Variants in KASH5 observed in about 807,000 individuals in gnomAD.
KASH5 encodes the protein protein KASH5.
KASH5 carries 72 observed loss-of-function variants against 84.2 expected under a neutral mutation model. The ratio of observed to expected loss-of-function variants is 0.85; its 90% CI spans 0.71 to 1.04. KASH5 has a LOEUF of 1.04. KASH5 is among the 50% of genes least tolerant of loss of function. The pLI, the probability that KASH5 is intolerant of heterozygous loss-of-function variation, is 0.00. For missense variants in KASH5, 650 were observed against 701.0 expected (o/e 0.93, Z 0.82); for synonymous variants, 260 against 279.1 (o/e 0.93, Z 0.68).
chr19:49,402,148 A>G (rs1974381272), intron 9 of KASH5, among the ~76,000 whole-genome samples: 1 of 152,060 alleles, frequency 6.6e-6, no homozygotes, highest in Non-Finnish European at 1.5e-5. Context: ...AGGCTGAGGC[A>G]GGAGAATCGC....
At position 49,397,974 on chromosome 19, in the gene KASH5, G is replaced by A; in HGVS notation, c.468-8G>A. 1 of 1,613,336 alleles carries A rather than the reference G, an allele frequency of 6.2e-7. No homozygotes were observed. The highest frequency in any genetic ancestry group is 8.5e-7 in the Non-Finnish European group (1 of 1,179,566). On this transcript the variant is annotated splice_polypyrimidine_tract_variant and splice_region_variant and intron_variant, in intron 6 of 19. Transcript: ENST00000447857. ...GGACAGTGACCTGAACCCCTTCCTTGCCCCTAGACAAGCCACAGCTGACCT... is the reference window on the plus strand; with the variant it reads ...GGACAGTGACCTGAACCCCTTCCTTACCCCTAGACAAGCCACAGCTGACCT...
chr19:49,407,139 G>A (rs1288897021), intron 10 of KASH5, 101 bp from the exon 11 acceptor site: 2 of 1,427,132 alleles, frequency 1.4e-6, no homozygotes, highest in Non-Finnish European at 1.9e-6. Flanking sequence ...TCAGGAGGCT[G>A]AATACGTGGG....
At position 49,396,871 on chromosome 19, in the gene KASH5, C is replaced by A. The variant is rs143687659; in HGVS notation, c.401-780C>A. On this transcript the variant is annotated intron_variant, in intron 5 of 19. Coordinates refer to ENST00000447857, the MANE Select transcript of KASH5 (RefSeq NM_144688.5). Reference sequence around the variant, plus strand: ...CCCAGTAGTTTGAGACCAGCCTGGGCAACATAGTGAGACACCATCTCTACT... The same window carrying A: ...CCCAGTAGTTTGAGACCAGCCTGGGAAACATAGTGAGACACCATCTCTACT... Among the ~76,000 whole-genome samples the A allele has an allele frequency of 1.4e-3, 220 of 152,208 alleles. 1 individual carries two copies. Among genetic ancestry groups the A allele is most frequent in the African/African-American group, 5.1e-3 (211 of 41,518 alleles).
In KASH5 at chr19:49,399,353, C is replaced by G. The variant is rs1974287494; in HGVS notation, c.748-104C>G. ...CAGGAGCCATCAGGGCTTCCCAGAC[C>G]CATTCCCCCAGGCCCTGGTTGTGTT... On this transcript the variant is annotated intron_variant, in intron 8 of 19. Coordinates refer to ENST00000447857, the MANE Select transcript of KASH5 (RefSeq NM_144688.5). This position sits in a 1 kb window ranked among gnomAD's most constrained non-coding sequence, Gnocchi z 4.4. 4.2e-6 allele frequency: 5 copies of G among 1,191,294 alleles called. No individual in the cohort carries two copies. The South Asian group carries it at 6.9e-5, about 16-fold the overall frequency. The allele number at this position is 1,191,294 out of a possible 1,614,324, so 73.8% of individuals were successfully genotyped here.
intron 13 of KASH5, 50 bp from the exon 14 acceptor site, chr19:49,409,146 T>G (rs1974628966): frequency 1.2e-6 from 2 of 1,600,994 alleles, no homozygotes; most frequent in Admixed American, 1.7e-5. Flanking sequence ...GCTGACTGAG[T>G]GGCCACCAGG....
chr19:49,395,200 G>A lies in KASH5; in HGVS notation c.243G>A (p.Leu81=). Reference sequence around the variant, plus strand: ...GCCTCCAAACATTGGCCAACAGCCTGGACCCCAATGGGGAGGGCCCTAAGG... The same window carrying A: ...GCCTCCAAACATTGGCCAACAGCCTAGACCCCAATGGGGAGGGCCCTAAGG... ...DARLQTLANS[L]DPNGEGPKAT... is the part of the protein sequence containing the mutation. The change falls in exon 4 of 20, where the codon CTG becomes CTA. Residue 81 remains leucine, a synonymous_variant. Coordinates refer to ENST00000447857, the MANE Select transcript of KASH5 (RefSeq NM_144688.5). This position sits in a 1 kb window ranked among gnomAD's most constrained non-coding sequence, Gnocchi z 4.4. 6.2e-7 allele frequency: 1 copy of A among 1,612,556 alleles called. No individual in the cohort carries two copies. Among genetic ancestry groups the A allele is most frequent in the Non-Finnish European group, 8.5e-7 (1 of 1,179,370 alleles).
rs547348633 is a variant in KASH5 at position 49,413,761 on chromosome 19, T to TGAG, written c.1328+738_1328+740dup. Among the ~76,000 whole-genome samples, 453 of 151,028 alleles carry TGAG rather than the reference T, an allele frequency of 3.0e-3. 4 individuals are homozygous for TGAG. The highest frequency in any genetic ancestry group is 0.01 in the African/African-American group (428 of 41,058). On this transcript the variant is annotated intron_variant, in intron 16 of 19. Transcript: ENST00000447857. ...GATCCGCAGGTTGGAAAGCTGGGAG[T>TGAG]GAGGAAGGTGGTGAATACAACGGCT... is the stretch of plus-strand genomic sequence containing the variant.
chr19:49,415,067 T>G, intron 17 of KASH5, 71 bp downstream of exon 17: 1 of 1,422,236 alleles, frequency 7.0e-7, no homozygotes, highest in Non-Finnish European at 9.7e-7. Context: ...TCGTTTCAAC[T>G]CTTCCCAAGC....
intron 2 of KASH5, chr19:49,393,759 C>G (rs1974082456): frequency 6.6e-6 from 1 of 151,624 alleles, no homozygotes; most frequent in Non-Finnish European, 1.5e-5. Flanking sequence ...TAACTCAGCC[C>G]TGGTGAGGAG....
At chr19:49,411,574 A>T (rs1974710307) in intron 15 of KASH5, among the ~76,000 whole-genome samples, 1 of 152,234 alleles carries the variant, frequency 6.6e-6, no homozygotes, top group Middle Eastern at 3.4e-3. Context: ...TGTAGGTTAG[A>T]TTGGGCTTCT....
chr19:49,393,929 T>G (rs1347687625), intron 2 of KASH5, among the ~76,000 whole-genome samples: 1 of 152,126 alleles, frequency 6.6e-6, no homozygotes. Context: ...TATCCCTTCA[T>G]GTCTCAGCCC....
rs772509892 is a variant in KASH5 at position 49,409,816 on chromosome 19, G to T, written c.1210G>T (p.Val404Phe). 1 of 1,614,012 alleles carries T rather than the reference G, an allele frequency of 6.2e-7. No individual in the cohort carries two copies. Among genetic ancestry groups the T allele is most frequent in the Non-Finnish European group, 8.5e-7 (1 of 1,179,876 alleles). The stretch of plus-strand genomic sequence containing the variant: ...GTGTGGGGTGTGGCAGTGGGAGGAA[G>T]TCATCCATGAGACCAGTGAGGAAAC... The part of the protein sequence containing the change: ...PLCGVWQWEE[V>F]IHETSEETEF... Residue 404 changes from valine (V) to phenylalanine (F), a missense_variant, in exon 15 of 20, where the codon GTC becomes TTC. Physicochemically the swap from Val to Phe is conservative, Grantham distance 50. Coordinates refer to ENST00000447857, the MANE Select transcript of KASH5 (RefSeq NM_144688.5).
At position 49,417,740 on chromosome 19, in the gene KASH5, T is replaced by C; in HGVS notation, c.*230T>C. On this transcript the variant is annotated 3_prime_UTR_variant, in exon 20 of 20. Coordinates refer to ENST00000447857, the MANE Select transcript of KASH5 (RefSeq NM_144688.5). This position sits in a 1 kb window ranked among gnomAD's most constrained non-coding sequence, Gnocchi z 5.2. The stretch of plus-strand genomic sequence containing the variant: ...GGATTAAGCACTAAGGATTATTCCC[T>C]CACAAAACAAGCCTGGCGAGGGCAG... 1.9e-6 allele frequency: 1 copy of C among 520,552 alleles called. No individual in the cohort carries two copies. The highest frequency in any genetic ancestry group is 3.0e-6 in the Non-Finnish European group (1 of 331,436). The allele number at this position is 520,552 out of a possible 1,614,324, so 32.2% of individuals were successfully genotyped here. A position where few individuals can be genotyped will look rare whatever the true frequency, so the allele number is the denominator to read the frequency against.
rs1340167234 is a variant in KASH5 at position 49,417,235 on chromosome 19, G to A, written c.1516G>A (p.Gly506Ser). The change falls in exon 19 of 20, where the codon GGC (glycine) becomes AGC (serine). Residue 506 changes from glycine (G) to serine (S), a missense_variant. Transcript: ENST00000447857. This position sits in a 1 kb window ranked among gnomAD's most constrained non-coding sequence, Gnocchi z 5.2. ...GGTCCCAGTCAGGAGGAGGGCCTGGGGCCAGCTCTGCCTGCCCCCACAGCG... is the reference window on the plus strand; with the variant it reads ...GGTCCCAGTCAGGAGGAGGGCCTGGAGCCAGCTCTGCCTGCCCCCACAGCG... ...KLVPVRRRAW[G>S]QLCLPPQRLR... The A allele has an allele frequency of 2.5e-6, 4 of 1,613,600 alleles. No individual in the cohort carries two copies. Among genetic ancestry groups the A allele is most frequent in the East Asian group, 2.2e-5 (1 of 44,862 alleles).
At chr19:49,407,025 C>T (rs900380872) in intron 10 of KASH5, 62 bp downstream of exon 10, 44 of 1,495,884 alleles carry the variant, frequency 2.9e-5, no homozygotes, top group African/African-American at 1.7e-4. Context: ...TTCCCATTTC[C>T]GGTTTTAGTG....
Position 49,399,530 on chromosome 19 carries a change from C to A in KASH5, c.798+23C>A, listed in dbSNP as rs777926367. 2.5e-6 allele frequency: 4 copies of A among 1,595,828 alleles called. No homozygotes were observed. Among genetic ancestry groups the A allele is most frequent in the Non-Finnish European group, 2.6e-6 (3 of 1,171,186 alleles). On this transcript the variant is annotated intron_variant, in intron 9 of 19. Transcript: ENST00000447857. The surrounding 1 kb of genome is among the most constrained non-coding windows in gnomAD (Gnocchi z 4.4). ...GAGGTGAGCGGAGGCCCAGCACCAC[C>A]CCCACCCCTTCCCCAGTCCTTAAGG... is the stretch of plus-strand genomic sequence containing the variant.
intron 2 of KASH5, among the ~76,000 whole-genome samples, chr19:49,391,139 G>A (rs1045734676): frequency 2.0e-5 from 3 of 152,156 alleles, no homozygotes; most frequent in African/African-American, 7.2e-5. Flanking sequence ...CTCCTGTGGG[G>A]AGGCTGGACT....
At chr19:49,392,914 A>C (rs1053941809) in intron 2 of KASH5, among the ~76,000 whole-genome samples, 22 of 151,402 alleles carry the variant, frequency 1.5e-4, no homozygotes, top group African/African-American at 5.1e-4. Context: ...TCCATCTCAA[A>C]AAAAAAAAAA....
intron 2 of KASH5, chr19:49,393,534 A>G (rs1974071191): frequency 6.6e-6 from 1 of 152,324 alleles, no homozygotes; most frequent in Non-Finnish European, 1.5e-5. Flanking sequence ...CAGGGAGCCT[A>G]GAAGTTCACT....
Sources: gnomAD v4.1 joint callset for allele counts (sites outside exome capture counted in the v4.1 genomes callset) on GRCh38, gnomAD v4.1.1 for gene constraint, Gnocchi (gnomAD v3.1) non-coding constraint, MANE v1.5 for transcripts, NCBI Gene and HGNC (gene_info 2026-07-23, HGNC 2026-07-21) for gene names.